Variants in VSTM4 observed in about 807,000 individuals in gnomAD.
VSTM4 encodes V-set and transmembrane domain-containing protein 4.
Under a neutral mutation model 36.4 loss-of-function variants are expected in VSTM4, and 20 were observed. That is an observed-to-expected ratio of 0.55 (90% CI 0.39 to 0.80). The LOEUF is 0.80. VSTM4 is among the 30% of genes least tolerant of loss of function. The probability of loss-of-function intolerance (pLI) is 0.00; values close to 1 mark genes in which losing one functional copy is unlikely to be tolerated. For missense variants in VSTM4, 392 were observed against 404.5 expected (o/e 0.97, Z 0.26); for synonymous variants, 182 against 173.9 (o/e 1.05, Z -0.37).
At chr10:49,078,826 T>C (rs192318035) in intron 3 of VSTM4, among the ~76,000 whole-genome samples, 7 of 152,088 alleles carry the variant, frequency 4.6e-5, no homozygotes, top group Admixed American at 3.3e-4. Context: ...AAGGGATCTC[T>C]GTGTATGATT....
rs1254111541 is a variant in VSTM4 at position 49,016,021 on chromosome 10, C to T, written c.*3629G>A. 2.0e-5 allele frequency: 3 copies of T among 152,454 alleles called. No individual in the cohort carries two copies. In the East Asian group the frequency reaches 5.8e-4, roughly 29 times the overall value. The allele number at this position is 152,454 out of a possible 1,614,324, so 9.4% of individuals were successfully genotyped here. On this transcript the variant is annotated 3_prime_UTR_variant, in exon 8 of 8. Transcript: ENST00000332853. ...TCTTCAGAACCCAGGGTGGGGCCCACTCGGGCAGCAGGACACACGGTGCAG... is the reference window on the plus strand; with the variant it reads ...TCTTCAGAACCCAGGGTGGGGCCCATTCGGGCAGCAGGACACACGGTGCAG...
chr10:49,100,814 G>A (rs907841223), intron 2 of VSTM4, among the ~76,000 whole-genome samples: 2 of 151,992 alleles, frequency 1.3e-5, no homozygotes, highest in African/African-American at 2.4e-5. Context: ...AAAATAATGA[G>A]GATATTTGCC....
chr10:49,081,583 C>G (rs35922675), intron 3 of VSTM4, among the ~76,000 whole-genome samples: 41,750 of 152,158 alleles, frequency 0.27, 5,901 homozygotes, highest in Admixed American at 0.35. Context: ...GGCAGGAGGT[C>G]AGGGGCTTCA....
intron 5 of VSTM4, among the ~76,000 whole-genome samples, chr10:49,062,441 A>G (rs576153223): frequency 1.3e-5 from 2 of 152,346 alleles, no homozygotes; most frequent in South Asian, 2.1e-4. Flanking sequence ...TTTGCTGGAT[A>G]TAAAATTTGG....
chr10:49,106,412 G>C (rs1336500340), intron 2 of VSTM4, among the ~76,000 whole-genome samples: 1 of 152,218 alleles, frequency 6.6e-6, no homozygotes, highest in East Asian at 1.9e-4. Flanking sequence ...TACTAAAATT[G>C]TGAGAGGTGT....
chr10:49,102,879 TC>T, intron 2 of VSTM4: 1 of 481,396 alleles, frequency 2.1e-6, no homozygotes, highest in Non-Finnish European at 2.7e-6. Flanking sequence ...TAGTCTGGGA[TC>T]CCAGAGAAAC....
At chr10:49,022,263 G>A (rs1233139746) in intron 7 of VSTM4, among the ~76,000 whole-genome samples, 1 of 151,690 alleles carries the variant, frequency 6.6e-6, no homozygotes, top group Non-Finnish European at 1.5e-5. Context: ...GGGTTTTTTG[G>A]TTTTGGCTTT....
In VSTM4 at chr10:49,115,515, G is replaced by A. The variant is rs1844981471; in HGVS notation, c.-30C>T. On this transcript the variant is annotated 5_prime_UTR_variant, in exon 1 of 8. Transcript: ENST00000332853. ...CCGCCGCCGCCCGGCGCTGTGACGC[G>A]GGAGAGCGCCGCCGCCTGGCCCGGC... is the stretch of plus-strand genomic sequence containing the variant. The A allele has an allele frequency of 1.0e-6, 1 of 982,240 alleles. No individual in the cohort carries two copies. The allele number at this position is 982,240 out of a possible 1,614,324, so 60.8% of individuals were successfully genotyped here. A position where few individuals can be genotyped will look rare whatever the true frequency, so the allele number is the denominator to read the frequency against.
intron 5 of VSTM4, among the ~76,000 whole-genome samples, chr10:49,055,046 A>T (rs939648249): frequency 1.6e-4 from 25 of 152,212 alleles, no homozygotes; most frequent in African/African-American, 6.0e-4. Context: ...TCCTGGGCAC[A>T]AAGCTGTCTG....
intron 5 of VSTM4, among the ~76,000 whole-genome samples, chr10:49,051,885 T>G (rs2131964296): frequency 6.6e-6 from 1 of 152,288 alleles, no homozygotes; most frequent in South Asian, 2.1e-4. Context: ...CTTGTTCATA[T>G]ATAGTGTTTT....
chr10:49,087,881 C>T (rs7905342), intron 2 of VSTM4, among the ~76,000 whole-genome samples: 4,750 of 145,322 alleles, frequency 0.033, 247 homozygotes, highest in African/African-American at 0.11. Flanking sequence ...GATATATATG[C>T]ACATATATAT....
Position 49,066,358 on chromosome 10 carries a change from A to AG in VSTM4, c.635-1623dup, listed in dbSNP as rs551127598. 3.7e-4 allele frequency among the ~76,000 whole-genome samples: 56 copies of AG among 152,304 alleles called. No homozygotes were observed. The East Asian group carries it at 9.2e-3, about 25-fold the overall frequency. On this transcript the variant is annotated intron_variant, in intron 4 of 7. Coordinates refer to ENST00000332853, the MANE Select transcript of VSTM4 (RefSeq NM_001031746.5). ...TAACTAGGCAACTAAATCTTTCACA[A>AG]GGGGGGGATGTTTCTAATACTTTGC...
chr10:49,061,281 G>T (rs1331153631), intron 5 of VSTM4, among the ~76,000 whole-genome samples: 1 of 152,004 alleles, frequency 6.6e-6, no homozygotes, highest in African/African-American at 2.4e-5. Context: ...AATTTGTTGA[G>T]GCTTGTTTTT....
chr10:49,111,477 A>G (rs1323869531), intron 1 of VSTM4, among the ~76,000 whole-genome samples: 2 of 152,162 alleles, frequency 1.3e-5, no homozygotes, highest in Non-Finnish European at 2.9e-5. Context: ...GCAGGACCTG[A>G]TGGTGTCACT....
In VSTM4 at chr10:49,016,361, T is replaced by A. The variant is rs970440823; in HGVS notation, c.*3289A>T. 6.6e-6 allele frequency: 1 copy of A among 152,220 alleles called. No individual in the cohort carries two copies. The highest frequency in any genetic ancestry group is 1.5e-5 in the Non-Finnish European group (1 of 68,054). The allele number at this position is 152,220 out of a possible 1,614,324, so 9.4% of individuals were successfully genotyped here. On this transcript the variant is annotated 3_prime_UTR_variant, in exon 8 of 8. Coordinates refer to ENST00000332853, the MANE Select transcript of VSTM4 (RefSeq NM_001031746.5). The stretch of plus-strand genomic sequence containing the variant: ...CTCAGTGTCTGTTGCCTTCCAAGGC[T>A]TCTCCACTAGGCAGGAGATGTGGCA...
At position 49,015,672 on chromosome 10, in the gene VSTM4, T is replaced by G. The variant is rs1346320673; in HGVS notation, c.*3978A>C. 1 of 152,238 alleles carries G rather than the reference T, an allele frequency of 6.6e-6. No individual in the cohort carries two copies. The highest frequency in any genetic ancestry group is 1.5e-5 in the Non-Finnish European group (1 of 68,098). The allele number at this position is 152,238 out of a possible 1,614,324, so 9.4% of individuals were successfully genotyped here. ...TCAATGTCCCCGCCATGTGGCTGCC[T>G]CACTTTTTAATGGGCTCCAAATGAC... On this transcript the variant is annotated 3_prime_UTR_variant, in exon 8 of 8. Coordinates refer to ENST00000332853, the MANE Select transcript of VSTM4 (RefSeq NM_001031746.5).
chr10:49,049,220 C>T (rs1843660596), intron 5 of VSTM4, among the ~76,000 whole-genome samples: 1 of 152,176 alleles, frequency 6.6e-6, no homozygotes, highest in African/African-American at 2.4e-5. Context: ...ACTACCTTGA[C>T]CCTGTGTAAT....
intron 5 of VSTM4, among the ~76,000 whole-genome samples, chr10:49,053,532 C>T (rs1442542939): frequency 2.0e-5 from 3 of 152,220 alleles, no homozygotes; most frequent in African/African-American, 4.8e-5. Flanking sequence ...TTGGCTATCT[C>T]TCTTGCAAAG....
intron 7 of VSTM4, among the ~76,000 whole-genome samples, chr10:49,028,639 A>G (rs766821241): frequency 5.3e-5 from 8 of 152,250 alleles, no homozygotes; most frequent in Non-Finnish European, 1.0e-4. Flanking sequence ...GCTGGAACTT[A>G]ACATTCTTAC....
Sources: gnomAD v4.1 joint callset for allele counts (sites outside exome capture counted in the v4.1 genomes callset) on GRCh38, gnomAD v4.1.1 for gene constraint, MANE v1.5 for transcripts, NCBI Gene and HGNC (gene_info 2026-07-23, HGNC 2026-07-21) for gene names.